Variants in WDR49 observed in about 807,000 individuals in gnomAD.
WDR49 encodes the protein WD repeat domain 49.
WDR49 carries 107 observed loss-of-function variants against 119.5 expected under a neutral mutation model. The ratio of observed to expected loss-of-function variants is 0.90; its 90% CI spans 0.77 to 1.05. The LOEUF is 1.05. Among genes scored for constraint, WDR49 ranks in the 50% least tolerant of loss-of-function variants. The probability of loss-of-function intolerance (pLI) is 0.00; values close to 1 mark genes in which losing one functional copy is unlikely to be tolerated. For missense variants in WDR49, 1,240 were observed against 1,220.5 expected (o/e 1.02, Z -0.24); for synonymous variants, 425 against 418.8 (o/e 1.01, Z -0.18).
At chr3:167,631,477 A>T (rs1717371263) in intron 2 of WDR49, among the ~76,000 whole-genome samples, 1 of 152,064 alleles carries the variant, frequency 6.6e-6, no homozygotes, top group Non-Finnish European at 1.5e-5. Context: ...TTGAAGTGCC[A>T]CGAGTATTGA....
intron 16 of WDR49, among the ~76,000 whole-genome samples, chr3:167,522,100 T>G (rs548950464): frequency 6.6e-6 from 1 of 152,210 alleles, no homozygotes; most frequent in Non-Finnish European, 1.5e-5. Flanking sequence ...ACTTAATACA[T>G]ATCAAGAATC....
chr3:167,588,995 C>T (rs2108294610), intron 7 of WDR49, among the ~76,000 whole-genome samples: 1 of 151,904 alleles, frequency 6.6e-6, no homozygotes, highest in African/African-American at 2.4e-5. Flanking sequence ...TGGGGTATTG[C>T]TCAAGAAATT....
chr3:167,605,907 C>T (rs1332409752), intron 5 of WDR49, among the ~76,000 whole-genome samples: 1 of 152,116 alleles, frequency 6.6e-6, no homozygotes, highest in Non-Finnish European at 1.5e-5. Context: ...TCATGACATG[C>T]AATATTATAA....
intron 18 of WDR49, among the ~76,000 whole-genome samples, chr3:167,497,943 G>A (rs1272654696): frequency 1.4e-5 from 2 of 145,012 alleles, no homozygotes; most frequent in African/African-American, 5.2e-5. Context: ...CCGAGTTCAA[G>A]AGATTCCCCT....
intron 7 of WDR49, among the ~76,000 whole-genome samples, chr3:167,594,401 T>C (rs1368630599): frequency 6.6e-6 from 1 of 152,170 alleles, no homozygotes; most frequent in Non-Finnish European, 1.5e-5. Flanking sequence ...AAGACACTGG[T>C]GGCATTTTGC....
intron 7 of WDR49, 118 bp downstream of exon 7, chr3:167,602,009 C>G (rs986588475): frequency 7.9e-7 from 1 of 1,268,274 alleles, no homozygotes; most frequent in Non-Finnish European, 1.1e-6. Context: ...ACATAAGTAG[C>G]TAGCCAGTAT....
intron 2 of WDR49, among the ~76,000 whole-genome samples, chr3:167,636,607 C>T (rs1472809397): frequency 6.6e-6 from 1 of 151,746 alleles, no homozygotes; most frequent in Non-Finnish European, 1.5e-5. Flanking sequence ...TGCATTCCCA[C>T]CAGCAATGTA....
intron 15 of WDR49, among the ~76,000 whole-genome samples, chr3:167,524,903 C>T (rs140883343): frequency 6.6e-6 from 1 of 152,014 alleles, no homozygotes; most frequent in African/African-American, 2.4e-5. Context: ...TTTTTCAGTT[C>T]CATATAAAAT....
chr3:167,569,060 G>A (rs965633410), intron 8 of WDR49, among the ~76,000 whole-genome samples: 3 of 151,488 alleles, frequency 2.0e-5, no homozygotes, highest in East Asian at 1.9e-4. Context: ...CTCTGCCTCC[G>A]CCTCCTGAGT....
chr3:167,593,474 G>T (rs1015169472), intron 7 of WDR49, among the ~76,000 whole-genome samples: 4 of 151,626 alleles, frequency 2.6e-5, no homozygotes, highest in Admixed American at 6.6e-5. Flanking sequence ...TAATGTCTTT[G>T]TTAAATTTAT....
chr3:167,624,514 A>T (rs1717031830), intron 3 of WDR49, among the ~76,000 whole-genome samples: 1 of 152,050 alleles, frequency 6.6e-6, no homozygotes, highest in Admixed American at 6.6e-5. Flanking sequence ...TTTGAGGGTG[A>T]TTAATATGTT....
intron 7 of WDR49, among the ~76,000 whole-genome samples, chr3:167,595,343 T>G (rs1715361503): frequency 6.6e-6 from 1 of 152,076 alleles, no homozygotes; most frequent in Non-Finnish European, 1.5e-5. Flanking sequence ...ACCAATGACT[T>G]TCCTCACAGA....
At chr3:167,607,656 C>T (rs778191396) in intron 5 of WDR49, among the ~76,000 whole-genome samples, 10 of 152,100 alleles carry the variant, frequency 6.6e-5, no homozygotes, top group Non-Finnish European at 1.5e-4. Flanking sequence ...CTATTGCCTC[C>T]GTCTTTTTTA....
At chr3:167,500,132 G>C in intron 18 of WDR49, 21 bp downstream of exon 18, 1 of 1,544,666 alleles carries the variant, frequency 6.5e-7, no homozygotes, top group Non-Finnish European at 8.6e-7. Flanking sequence ...TAATAGAGGT[G>C]TATGATGGCT....
intron 15 of WDR49, 42 bp downstream of exon 15, chr3:167,527,778 T>G (rs778781728): frequency 6.4e-7 from 1 of 1,567,336 alleles, no homozygotes; most frequent in Admixed American, 1.8e-5. Context: ...TAATACTAAA[T>G]GTCAAGTAAA....
Position 167,617,707 on chromosome 3 carries a change from A to G in WDR49, c.958+2722T>C, listed in dbSNP as rs1577280527. ...GTAATCTTCAAATAAAAAATTCCCCAGCTGGAAATGGAAAGTTTTATAAGA... is the reference window on the plus strand; with the variant it reads ...GTAATCTTCAAATAAAAAATTCCCCGGCTGGAAATGGAAAGTTTTATAAGA... On this transcript the variant is annotated intron_variant, in intron 5 of 18. Coordinates refer to ENST00000682715, the MANE Select transcript of WDR49 (RefSeq NM_001366157.1). Among the ~76,000 whole-genome samples, 3 of 152,276 alleles carry G rather than the reference A, an allele frequency of 2.0e-5. No individual in the cohort carries two copies. In the East Asian group the frequency reaches 5.8e-4, roughly 29 times the overall value.
Position 167,500,259 on chromosome 3 carries a change from C to T in WDR49, c.2925G>A (p.Leu975=). The part of the protein sequence containing the change: ...RSLNIGALEE[L]PEVNKPAFLL... ...GGAAAGCAGGTTTATTCACTTCAGG[C>T]AGCTCTTCCAGGGCTCCAATGTTTA... Residue 975 remains leucine, a synonymous_variant, in exon 18 of 19, where the codon CTG becomes CTA. Coordinates refer to ENST00000682715, the MANE Select transcript of WDR49 (RefSeq NM_001366157.1). The T allele has an allele frequency of 6.2e-7, 1 of 1,606,756 alleles. No homozygotes were observed. The highest frequency in any genetic ancestry group is 8.5e-7 in the Non-Finnish European group (1 of 1,177,808).
intron 2 of WDR49, among the ~76,000 whole-genome samples, chr3:167,629,261 T>C (rs924257750): frequency 1.3e-5 from 2 of 152,084 alleles, no homozygotes; most frequent in Admixed American, 1.3e-4. Context: ...CTGTGCTCTA[T>C]AAGTGAAATA....
At chr3:167,525,210 C>G (rs561645746) in intron 15 of WDR49, among the ~76,000 whole-genome samples, 1 of 151,952 alleles carries the variant, frequency 6.6e-6, no homozygotes, top group Non-Finnish European at 1.5e-5. Context: ...CTCTGCTTGT[C>G]TATTATTGGT....
Sources: allele counts gnomAD v4.1 joint callset (sites outside exome capture counted in the v4.1 genomes callset), GRCh38; gene constraint gnomAD v4.1.1; transcripts MANE v1.5; gene names NCBI Gene and HGNC (gene_info 2026-07-23, HGNC 2026-07-21).